The following KIAA1217 variants were observed in gnomAD, a reference collection of about 807,000 sequenced individuals.
The protein encoded by KIAA1217 is sickle tail protein homolog.
In KIAA1217, 88 loss-of-function variants were observed where a neutral mutation model predicts 163.9. That is an observed-to-expected ratio of 0.54 (90% confidence interval 0.45 to 0.64). The LOEUF (loss-of-function observed/expected upper bound fraction) is 0.64, where lower values mean the gene tolerates loss of function less well. KIAA1217 is among the 30% of genes least tolerant of loss of function. The pLI is 0.00. For missense variants in KIAA1217, 2,372 were observed against 2,475.0 expected, an observed-to-expected ratio of 0.96 and a Z score of 0.88; for synonymous variants, 903 against 923.1, an observed-to-expected ratio of 0.98 and a Z score of 0.39.
At chr10:24,125,557 C>CT (rs1368254844) in intron 2 of KIAA1217, among the ~76,000 whole-genome samples, 7 of 151,826 alleles carry the variant, frequency 4.6e-5, no homozygotes, top group African/African-American at 1.2e-4. Context: ...GGTCATGTCA[C>CT]TTTTTTTACA....
chr10:24,191,457 T>A lies in KIAA1217; in HGVS notation c.-170-28169T>A, dbSNP rs536176070. Among the ~76,000 whole-genome samples the A allele has an allele frequency of 1.2e-4, 19 of 152,292 alleles. No individual in the cohort carries two copies. The South Asian group carries it at 1.9e-3, about 15-fold the overall frequency. Reference sequence around the variant, plus strand: ...TTAATTGTACATTTGTGTAAATGCATTGTTTGTAACACAAAGGATAAATGG... The same window carrying A: ...TTAATTGTACATTTGTGTAAATGCAATGTTTGTAACACAAAGGATAAATGG... On this transcript the variant is annotated intron_variant, in intron 2 of 18. Coordinates refer to the KIAA1217 transcript ENST00000376462.
chr10:24,130,360 T>C (rs1215040552), intron 2 of KIAA1217, among the ~76,000 whole-genome samples: 2 of 152,216 alleles, frequency 1.3e-5, no homozygotes, highest in African/African-American at 4.8e-5. Context: ...TTGGCATGCA[T>C]TGGGCATGCC....
intron 2 of KIAA1217, among the ~76,000 whole-genome samples, chr10:24,357,826 G>T (rs796114873): frequency 6.6e-6 from 1 of 152,206 alleles, no homozygotes; most frequent in East Asian, 1.9e-4. Flanking sequence ...TGATAGATTG[G>T]AATGCTCTTG....
chr10:24,092,182 C>A (rs1173479825), intron 2 of KIAA1217, among the ~76,000 whole-genome samples: 1 of 151,680 alleles, frequency 6.6e-6, no homozygotes, highest in East Asian at 1.9e-4. Context: ...AAACCTCATG[C>A]CACCTCCAAC....
intron 2 of KIAA1217, among the ~76,000 whole-genome samples, chr10:24,242,622 A>C (rs1240580169): frequency 2.6e-5 from 4 of 152,150 alleles, no homozygotes; most frequent in African/African-American, 9.7e-5. Context: ...GGCATTACTG[A>C]GTCAAATGGT....
At chr10:24,437,022 C>T (rs966338772) in intron 4 of KIAA1217, among the ~76,000 whole-genome samples, 10 of 152,154 alleles carry the variant, frequency 6.6e-5, no homozygotes, top group African/African-American at 2.4e-4. Context: ...CAACCCCGGC[C>T]TTTACTGTTG....
intron 1 of KIAA1217, among the ~76,000 whole-genome samples, chr10:23,881,012 TATA>T (rs1840924167): frequency 6.6e-6 from 1 of 151,738 alleles, no homozygotes; most frequent in Non-Finnish European, 1.5e-5. Flanking sequence ...ATGGTGTGAT[TATA>T]ATGATGAACC....
intron 1 of KIAA1217, among the ~76,000 whole-genome samples, chr10:23,845,433 C>A (rs1838978015): frequency 6.6e-6 from 1 of 152,180 alleles, no homozygotes; most frequent in Non-Finnish European, 1.5e-5. Context: ...TCCATTCTAA[C>A]TGGCATGAGA....
intron 2 of KIAA1217, among the ~76,000 whole-genome samples, chr10:24,040,722 A>G (rs1302011822): frequency 7.2e-5 from 11 of 152,178 alleles, no homozygotes; most frequent in Non-Finnish European, 1.5e-5. Flanking sequence ...TGATCCTACT[A>G]TGGACTCTGT....
intron 2 of KIAA1217, among the ~76,000 whole-genome samples, chr10:24,086,660 C>T (rs966587087): frequency 1.3e-5 from 2 of 151,930 alleles, no homozygotes; most frequent in Admixed American, 1.3e-4. Flanking sequence ...ATAAATTTGC[C>T]AAACATTAAT....
intron 2 of KIAA1217, among the ~76,000 whole-genome samples, chr10:24,130,049 A>G (rs1564734803): frequency 1.3e-5 from 2 of 151,988 alleles, no homozygotes; most frequent in African/African-American, 4.8e-5. Context: ...CTTGTTCACC[A>G]TTTGCTTCTG....
intron 1 of KIAA1217, among the ~76,000 whole-genome samples, chr10:23,803,734 A>G (rs1189076683): frequency 6.6e-6 from 1 of 152,174 alleles, no homozygotes; most frequent in East Asian, 1.9e-4. Context: ...TGTATGTAGG[A>G]TATCTATTAA....
rs565644816 is a variant in KIAA1217, at chr10:24,020,468, A to G, written c.-171+13094A>G. Reference sequence around the variant, plus strand: ...GGGCAGTGGACAAGCAAGAAACTTAACGAAGAGATCTTGGAAGAAAGGGCT... The same window carrying G: ...GGGCAGTGGACAAGCAAGAAACTTAGCGAAGAGATCTTGGAAGAAAGGGCT... On this transcript the variant is annotated intron_variant, in intron 2 of 18. Transcript: ENST00000376462. Among the ~76,000 whole-genome samples the G allele has an allele frequency of 2.0e-5, 3 of 152,224 alleles. No homozygotes were observed. The South Asian group carries it at 6.2e-4, about 32-fold the overall frequency.
intron 2 of KIAA1217, among the ~76,000 whole-genome samples, chr10:24,326,378 A>T (rs949719131): frequency 1.3e-5 from 2 of 152,136 alleles, no homozygotes; most frequent in Non-Finnish European, 2.9e-5. Flanking sequence ...TGAAAAAAAA[A>T]CTTGCTATTT....
At chr10:23,704,845 A>G (rs1015251841) in intron 1 of KIAA1217, among the ~76,000 whole-genome samples, 5 of 152,158 alleles carry the variant, frequency 3.3e-5, no homozygotes, top group Admixed American at 6.6e-5. Context: ...ATTGGGTGAT[A>G]TGATAACTAT....
At chr10:23,787,470 C>A (rs866270583) in intron 1 of KIAA1217, among the ~76,000 whole-genome samples, 3 of 152,080 alleles carry the variant, frequency 2.0e-5, no homozygotes, top group South Asian at 2.1e-4. Context: ...TCTTCAGGAG[C>A]TTGCCAAATC....
At chr10:24,513,096 C>G (rs1171139186) in intron 9 of KIAA1217, among the ~76,000 whole-genome samples, 163 bp from the exon 10 acceptor site, 1 of 152,186 alleles carries the variant, frequency 6.6e-6, no homozygotes, top group Non-Finnish European at 1.5e-5. Flanking sequence ...GTGGAAGAAG[C>G]CACATTATGT....
intron 2 of KIAA1217, among the ~76,000 whole-genome samples, chr10:24,166,951 A>T (rs1177330519): frequency 6.6e-6 from 1 of 152,206 alleles, no homozygotes; most frequent in African/African-American, 2.4e-5. Context: ...GAAGAAACAC[A>T]TTTCAGGTGC....
intron 2 of KIAA1217, among the ~76,000 whole-genome samples, chr10:24,127,628 C>A (rs2063513290): frequency 6.6e-6 from 1 of 152,160 alleles, no homozygotes; most frequent in South Asian, 2.1e-4. Context: ...CTGCTACTCA[C>A]CATAGGACCC....
Sources: allele counts gnomAD v4.1 joint callset (sites outside exome capture counted in the v4.1 genomes callset), GRCh38; gene constraint gnomAD v4.1.1; transcripts MANE v1.5; gene names NCBI Gene and HGNC (gene_info 2026-07-23, HGNC 2026-07-21).